Variants in USP30 observed in about 807,000 individuals in gnomAD.
USP30 encodes the protein ubiquitin carboxyl-terminal hydrolase 30.
Under a neutral mutation model 68.2 loss-of-function variants are expected in USP30, and 41 were observed. The observed-to-expected ratio is 0.60, with a 90% CI of 0.47 to 0.78. The LOEUF (loss-of-function observed/expected upper bound fraction) is 0.78. Ranked by LOEUF, USP30 falls within the 30% of genes least tolerant of loss-of-function variation. The pLI is 0.00. For missense variants in USP30, 522 were observed against 649.4 expected (o/e 0.80, Z 2.13); for synonymous variants, 229 against 253.7 (o/e 0.90, Z 0.93).
chr12:109,081,244 T>C, intron 7 of USP30, 90 bp from the exon 8 acceptor site: 1 of 1,241,512 alleles, frequency 8.1e-7, no homozygotes, highest in Admixed American at 1.8e-5. Flanking sequence ...CATCTCAATA[T>C]TAAACTGTTT....
intron 1 of USP30, among the ~76,000 whole-genome samples, chr12:109,024,547 C>T (rs528773199): frequency 2.0e-5 from 3 of 152,114 alleles, no homozygotes; most frequent in South Asian, 2.1e-4. Flanking sequence ...CTTGAGCCAC[C>T]GTGCCCGGCC....
intron 1 of USP30, among the ~76,000 whole-genome samples, chr12:109,054,438 C>G (rs965691406): frequency 2.0e-5 from 3 of 151,760 alleles, no homozygotes; most frequent in Non-Finnish European, 4.4e-5. Flanking sequence ...GGAGGATCAC[C>G]TGAGCCCGGA....
chr12:109,087,756 A>G lies in USP30; in HGVS notation c.*1825A>G, dbSNP rs1310419041. On this transcript the variant is annotated 3_prime_UTR_variant, in exon 13 of 13. Transcript: ENST00000257548. ...GCAGATCTTTCTTTGGTCAGAGACC[A>G]GGGTTTGAGCCAAGGCTGTAAATGT... 6.5e-6 allele frequency: 1 copy of G among 153,892 alleles called. No homozygotes were observed. The highest frequency in any genetic ancestry group is 1.4e-5 in the Non-Finnish European group (1 of 69,262). The allele number at this position is 153,892 out of a possible 1,614,324, so 9.5% of individuals were successfully genotyped here.
chr12:109,082,078 T>G, intron 9 of USP30, 59 bp downstream of exon 9: 2 of 1,551,542 alleles, frequency 1.3e-6, no homozygotes, highest in Non-Finnish European at 1.8e-6. Flanking sequence ...ATGTAGCGCC[T>G]CTCACACCAG....
rs976235030 is a variant in USP30 at position 109,058,512 on chromosome 12, C to T, written c.376+404C>T. Among the ~76,000 whole-genome samples, 179 of 149,480 alleles carry T rather than the reference C, an allele frequency of 1.2e-3. 1 individual carries two copies. The highest frequency in any genetic ancestry group is 4.1e-3 in the African/African-American group (165 of 40,532). ...GCTTGAACCCGGGAGGCGGAGGTTG[C>T]GGTGAGCTGAGATCGCACCATTGCA... is the stretch of plus-strand genomic sequence containing the variant. On this transcript the variant is annotated intron_variant, in intron 3 of 12. Coordinates refer to ENST00000257548, the MANE Select transcript of USP30 (RefSeq NM_032663.5).
intron 4 of USP30, among the ~76,000 whole-genome samples, chr12:109,067,919 G>C (rs1321283490): frequency 2.0e-5 from 3 of 152,168 alleles, no homozygotes; most frequent in African/African-American, 7.2e-5. Flanking sequence ...AAGTGATAGG[G>C]ACACCTGGGT....
chr12:109,055,407 T>A (rs1191699101), intron 1 of USP30, among the ~76,000 whole-genome samples: 18 of 90,100 alleles, frequency 2.0e-4, no homozygotes, highest in African/African-American at 5.5e-4. Flanking sequence ...TATATTTTTT[T>A]TTTTTTTTTT....
upstream of USP30, among the ~76,000 whole-genome samples, chr12:109,051,680 C>T (rs2040677015): frequency 6.6e-6 from 1 of 151,634 alleles, no homozygotes. Context: ...AGCAATTCTC[C>T]TGCCTCAGCC....
At chr12:109,081,823 A>T in intron 8 of USP30, 110 bp from the exon 9 acceptor site, 1 of 1,106,316 alleles carries the variant, frequency 9.0e-7, no homozygotes, top group South Asian at 1.3e-5. Context: ...ATAAAACTTT[A>T]TTGCCTGCAT....
intron 4 of USP30, among the ~76,000 whole-genome samples, chr12:109,069,583 T>C (rs2041365313): frequency 6.6e-6 from 1 of 152,222 alleles, no homozygotes; most frequent in African/African-American, 2.4e-5. Context: ...GTGGGGACTG[T>C]CGAGGGCAAT....
At chr12:109,054,533 AAAAAAT>A (rs934740006) in intron 1 of USP30, 2 of 151,690 alleles carry the variant, frequency 1.3e-5, no homozygotes, top group African/African-American at 2.4e-5. Flanking sequence ...CTGTCTCAAA[AAAAAAT>A]AAAAATAAAA....
chr12:109,036,850 A>C (rs1407065552), intron 3 of USP30, among the ~76,000 whole-genome samples: 1 of 152,054 alleles, frequency 6.6e-6, no homozygotes, highest in African/African-American at 2.4e-5. Flanking sequence ...TGCTTTCAAA[A>C]TTCTCTTTGT....
At chr12:109,075,841 C>CTTTT (rs34221615) in intron 7 of USP30, among the ~76,000 whole-genome samples, 1 of 119,688 alleles carries the variant, frequency 8.4e-6, no homozygotes, top group Non-Finnish European at 1.8e-5. Context: ...GTTACTTTTT[C>CTTTT]TTTTTTTTTT....
intron 3 of USP30, 129 bp from the exon 4 acceptor site, chr12:109,067,395 G>A (rs917444915): frequency 1.4e-5 from 10 of 715,650 alleles, no homozygotes; most frequent in East Asian, 5.8e-5. Context: ...GGGATTACAG[G>A]CATGAGCCAC....
At chr12:109,028,630 A>G (rs1206653883) in intron 3 of USP30, among the ~76,000 whole-genome samples, 1 of 152,138 alleles carries the variant, frequency 6.6e-6, no homozygotes, top group African/African-American at 2.4e-5. Context: ...GGCGTGTGCC[A>G]ACACGCCTGG....
chr12:109,053,717 C>T (rs2040748886), intron 1 of USP30: 1 of 239,852 alleles, frequency 4.2e-6, no homozygotes, highest in Non-Finnish European at 8.4e-6. Context: ...GAAGCCAGAT[C>T]TTTTCATCCG....
chr12:109,082,759 A>C lies in USP30; in HGVS notation c.948+16A>C. 1 of 1,613,004 alleles carries C rather than the reference A, an allele frequency of 6.2e-7. No homozygotes were observed. The highest frequency in any genetic ancestry group is 8.5e-7 in the Non-Finnish European group (1 of 1,179,358). On this transcript the variant is annotated intron_variant, in intron 10 of 12. Transcript: ENST00000257548. ...ACTAGGGAAGGTGAGCCCACACTAC[A>C]CACCCTGTTGGCTTTGTTTTGAGGA...
At chr12:109,079,045 C>T (rs1007193202) in intron 7 of USP30, among the ~76,000 whole-genome samples, 4 of 152,032 alleles carry the variant, frequency 2.6e-5, no homozygotes, top group Non-Finnish European at 4.4e-5. Flanking sequence ...GTTCATGCTG[C>T]GCATAGATGT....
Position 109,029,047 on chromosome 12 carries a change from C to T in USP30, c.-136+1491C>T, listed in dbSNP as rs571318923. On this transcript the variant is annotated intron_variant, in intron 3 of 15. Coordinates refer to the USP30 transcript ENST00000392784. The stretch of plus-strand genomic sequence containing the variant: ...CCAATTACAGGGCATCTTTACAACT[C>T]CTGCTCAGCTCAGCTATGAATCATG... Among the ~76,000 whole-genome samples, 6 of 152,296 alleles carry T rather than the reference C, an allele frequency of 3.9e-5. No homozygotes were observed. In the South Asian group the frequency reaches 8.3e-4, roughly 21 times the overall value.
Sources: gnomAD v4.1 joint callset for allele counts (sites outside exome capture counted in the v4.1 genomes callset) on GRCh38, gnomAD v4.1.1 for gene constraint, MANE v1.5 for transcripts, NCBI Gene and HGNC (gene_info 2026-07-23, HGNC 2026-07-21) for gene names.